The following HOMER2 variants were observed in gnomAD, a reference collection of about 807,000 sequenced individuals.
HOMER2 encodes homer protein homolog 2.
In HOMER2, 27 loss-of-function variants were observed where a neutral mutation model predicts 47.0. The ratio of observed to expected loss-of-function variants is 0.57; its 90% CI spans 0.42 to 0.79. The LOEUF is 0.79. Ranked by LOEUF, HOMER2 falls within the 30% of genes least tolerant of loss-of-function variation. HOMER2 has a pLI of 0.00. For synonymous variants in HOMER2, 161 were observed against 163.8 expected (o/e 0.98, Z 0.13); for missense variants, 443 against 435.0 (o/e 1.02, Z -0.16).
intron 3 of HOMER2, among the ~76,000 whole-genome samples, chr15:82,868,541 A>ATATTT: frequency 2.0e-4 from 14 of 71,268 alleles, no homozygotes; most frequent in Non-Finnish European, 3.1e-4. Flanking sequence ...ATATATATAT[A>ATATTT]TTTTTTTTTT....
chr15:82,901,707 A>G (rs1182002638), intron 1 of HOMER2, among the ~76,000 whole-genome samples: 1 of 152,228 alleles, frequency 6.6e-6, no homozygotes, highest in Non-Finnish European at 1.5e-5. Flanking sequence ...CAGGCTAAGG[A>G]CATCAGTCTT....
At chr15:82,959,006 A>G (rs2054608846) in exon 2 of HOMER2, 2 of 152,412 alleles carry the variant, frequency 1.3e-5, no homozygotes, top group Non-Finnish European at 2.9e-5. Flanking sequence ...CCACTAGACT[A>G]TGGTCTTCAA....
downstream of HOMER2, chr15:82,835,553 C>T (rs1187147656): frequency 1.3e-5 from 2 of 151,970 alleles, no homozygotes; most frequent in African/African-American, 4.8e-5. Flanking sequence ...TGCCAGGTTT[C>T]CCAGCCACTG....
chr15:82,966,962 A>T (rs1223987495), intron 1 of HOMER2, among the ~76,000 whole-genome samples: 1 of 152,214 alleles, frequency 6.6e-6, no homozygotes, highest in Non-Finnish European at 1.5e-5. Flanking sequence ...GTCAACTCTA[A>T]AAAGGATGTT....
intron 1 of HOMER2, chr15:82,952,059 A>G: frequency 1.0e-6 from 1 of 983,682 alleles, no homozygotes; most frequent in Non-Finnish European, 1.2e-6. Flanking sequence ...AAGCAGATCC[A>G]AAGTCCACTA....
At chr15:82,963,909 T>A (rs1012444120) in intron 1 of HOMER2, among the ~76,000 whole-genome samples, 1 of 152,180 alleles carries the variant, frequency 6.6e-6, no homozygotes, top group African/African-American at 2.4e-5. Context: ...GCCAAAAGCC[T>A]TGGATGATCC....
At chr15:82,921,101 G>C (rs889201364) in intron 1 of HOMER2, among the ~76,000 whole-genome samples, 4 of 151,956 alleles carry the variant, frequency 2.6e-5, no homozygotes, top group Non-Finnish European at 5.9e-5. Context: ...TCAAGACCAG[G>C]CTGGCCAACA....
At chr15:82,852,514 C>G in intron 6 of HOMER2, 1 of 373,604 alleles carries the variant, frequency 2.7e-6, no homozygotes, top group Non-Finnish European at 4.8e-6. Context: ...TAAAGCCTGC[C>G]TTCAAGATGC....
intron 1 of HOMER2, among the ~76,000 whole-genome samples, chr15:82,895,674 G>T (rs1164740827): frequency 1.3e-5 from 2 of 152,206 alleles, no homozygotes; most frequent in African/African-American, 4.8e-5. Flanking sequence ...ACGGGTTAGA[G>T]AAGGCCTTTC....
chr15:82,956,001 A>G (rs1461538977), upstream of HOMER2, among the ~76,000 whole-genome samples: 2 of 152,144 alleles, frequency 1.3e-5, no homozygotes, highest in Non-Finnish European at 2.9e-5. Context: ...GCACTTTGGG[A>G]GGCCAAGGCA....
intron 1 of HOMER2, among the ~76,000 whole-genome samples, chr15:82,964,916 A>C (rs1363945282): frequency 6.6e-6 from 1 of 152,262 alleles, no homozygotes; most frequent in Non-Finnish European, 1.5e-5. Context: ...GGTTTGGGAA[A>C]TACTATGCTA....
At chr15:82,869,193 C>G (rs897171286) in intron 3 of HOMER2, among the ~76,000 whole-genome samples, 2 of 152,112 alleles carry the variant, frequency 1.3e-5, no homozygotes, top group Non-Finnish European at 1.5e-5. Flanking sequence ...CACCAACTCA[C>G]CCCATAATTC....
intron 1 of HOMER2, among the ~76,000 whole-genome samples, chr15:82,952,319 C>G (rs1415176328): frequency 6.6e-6 from 1 of 152,188 alleles, no homozygotes; most frequent in Non-Finnish European, 1.5e-5. Flanking sequence ...GCTCCGCGCC[C>G]AGGCCAGGGT....
upstream of HOMER2, among the ~76,000 whole-genome samples, chr15:82,955,088 T>C (rs1373579643): frequency 1.3e-5 from 2 of 151,952 alleles, no homozygotes; most frequent in Non-Finnish European, 2.9e-5. Flanking sequence ...TTCTGTTCTA[T>C]TTTTAAAAGC....
chr15:82,856,790 C>CTTT (rs2051602472), intron 5 of HOMER2, among the ~76,000 whole-genome samples: 1 of 152,122 alleles, frequency 6.6e-6, no homozygotes, highest in South Asian at 2.1e-4. Context: ...CAGATCACAG[C>CTTT]CGGGCCAGCT....
At chr15:82,860,168 G>A (rs1015748040) in intron 4 of HOMER2, among the ~76,000 whole-genome samples, 13 of 152,066 alleles carry the variant, frequency 8.5e-5, no homozygotes, top group African/African-American at 2.4e-4. Flanking sequence ...CCCGGGAGGC[G>A]GAGGTTGCAG....
chr15:82,908,522 T>C (rs1044854915), intron 1 of HOMER2, among the ~76,000 whole-genome samples: 2 of 152,150 alleles, frequency 1.3e-5, no homozygotes, highest in Non-Finnish European at 2.9e-5. Context: ...CCCTCCACTT[T>C]AACCTTTACA....
intron 1 of HOMER2, among the ~76,000 whole-genome samples, chr15:82,930,373 T>C (rs2053975784): frequency 2.6e-5 from 4 of 152,238 alleles, no homozygotes; most frequent in Admixed American, 2.6e-4. Context: ...CCGCCTGGCA[T>C]GACCTGACGT....
chr15:82,955,229 G>A (rs2054577148), upstream of HOMER2, among the ~76,000 whole-genome samples: 1 of 149,644 alleles, frequency 6.7e-6, no homozygotes. Flanking sequence ...GAGTGCAGTG[G>A]CGCAATCTTG....
Sources: gnomAD v4.1 joint callset for allele counts (sites outside exome capture counted in the v4.1 genomes callset) on GRCh38, gnomAD v4.1.1 for gene constraint, MANE v1.5 for transcripts, NCBI Gene and HGNC (gene_info 2026-07-23, HGNC 2026-07-21) for gene names.